The following EPHB1 variants were observed in gnomAD, a reference collection of about 807,000 sequenced individuals.
EPHB1 encodes EPH receptor B1.
A neutral mutation model predicts 94.4 loss-of-function variants in EPHB1; 30 were observed. The observed-to-expected ratio is 0.32, with a 90% CI of 0.24 to 0.43. The LOEUF is 0.43. Among genes scored for constraint, EPHB1 ranks in the 20% least tolerant of loss-of-function variants. The pLI, the probability that EPHB1 is intolerant of heterozygous loss-of-function variation, is 1.00. For synonymous variants in EPHB1, 522 were observed against 489.1 expected (o/e 1.07, Z -0.89); for missense variants, 1,055 against 1,308.3 (o/e 0.81, Z 2.99).
At chr3:134,810,886 G>T (rs979796147) in intron 1 of EPHB1, among the ~76,000 whole-genome samples, 1 of 152,208 alleles carries the variant, frequency 6.6e-6, no homozygotes, top group Non-Finnish European at 1.5e-5. Context: ...CCTAAGCCTA[G>T]CAGGGTACTG....
chr3:135,061,719 G>C (rs1035395277), intron 3 of EPHB1, among the ~76,000 whole-genome samples: 1 of 151,770 alleles, frequency 6.6e-6, no homozygotes, highest in Non-Finnish European at 1.5e-5. Context: ...TTAACATTAG[G>C]TATATCTCCT....
At position 135,166,963 on chromosome 3, in the gene EPHB1, G is replaced by A; in HGVS notation, c.1716G>A (p.Glu572=). The change falls in exon 9 of 16, where the codon GAG becomes GAA. Residue 572 remains glutamate (E), a synonymous_variant. Transcript: ENST00000398015. ...VCSRKRAYSK[E]AVYSDKLQHY... is the part of the protein sequence containing the mutation. ...ACAGGAAACGGGCTTATAGCAAAGA[G>A]GCTGTGTACAGCGATAAGCTCCAGC... 6.2e-7 allele frequency: 1 copy of A among 1,614,148 alleles called. No homozygotes were observed. Among genetic ancestry groups the A allele is most frequent in the East Asian group, 2.2e-5 (1 of 44,878 alleles).
At chr3:135,106,117 C>T (rs1164029188) in intron 3 of EPHB1, among the ~76,000 whole-genome samples, 1 of 152,118 alleles carries the variant, frequency 6.6e-6, no homozygotes, top group African/African-American at 2.4e-5. Flanking sequence ...GAGGGAGTAA[C>T]CATTTATAGA....
chr3:135,251,793 G>C (rs146746630), intron 15 of EPHB1, among the ~76,000 whole-genome samples: 60 of 152,318 alleles, frequency 3.9e-4, no homozygotes, highest in African/African-American at 1.3e-3. Flanking sequence ...CCAGCCAAGC[G>C]TTCACCAGGG....
chr3:135,161,622 G>A (rs1331225592), intron 6 of EPHB1, among the ~76,000 whole-genome samples: 2 of 152,110 alleles, frequency 1.3e-5, no homozygotes, highest in East Asian at 3.9e-4. Flanking sequence ...GCAGGCAGGG[G>A]GCAGATGGAT....
rs1262878975 is a variant in EPHB1 at position 134,964,378 on chromosome 3, C to T, written c.805+12326C>T. Among the ~76,000 whole-genome samples the T allele has an allele frequency of 2.6e-5, 4 of 152,134 alleles. 1 individual carries two copies. The highest frequency in any genetic ancestry group is 3.9e-4 in the East Asian group (2 of 5,190). On this transcript the variant is annotated intron_variant, in intron 3 of 15. Coordinates refer to ENST00000398015, the MANE Select transcript of EPHB1 (RefSeq NM_004441.5). ...TACAGAACAAAAACAACAGAATGGT[C>T]GCAAGCCCATACGTTATGAAACTCA...
At chr3:134,909,305 T>C (rs2038405356) in intron 1 of EPHB1, among the ~76,000 whole-genome samples, 1 of 152,170 alleles carries the variant, frequency 6.6e-6, no homozygotes, top group Admixed American at 6.5e-5. Context: ...GCCAGCCTTC[T>C]GAAAGTTGGA....
intron 1 of EPHB1, among the ~76,000 whole-genome samples, chr3:134,918,046 G>A (rs1197742218): frequency 2.6e-5 from 4 of 152,204 alleles, no homozygotes. Context: ...AGGGTTTATT[G>A]AACATTTATA....
In EPHB1 at chr3:135,179,322, C is replaced by T. The variant is rs529288919; in HGVS notation, c.1760-538C>T. On this transcript the variant is annotated intron_variant, in intron 9 of 15. Transcript: ENST00000398015. Reference sequence around the variant, plus strand: ...CTTCACATTTTCTCTTCTGGTGTACCGTCTTGGCACTTCCATCTCCAGATT... The same window carrying T: ...CTTCACATTTTCTCTTCTGGTGTACTGTCTTGGCACTTCCATCTCCAGATT... Among the ~76,000 whole-genome samples the T allele has an allele frequency of 2.9e-4, 44 of 152,120 alleles. No homozygotes were observed. The East Asian group carries it at 7.7e-3, about 27-fold the overall frequency.
intron 3 of EPHB1, among the ~76,000 whole-genome samples, chr3:135,068,776 G>A (rs1233590589): frequency 6.6e-6 from 1 of 151,628 alleles, no homozygotes; most frequent in Admixed American, 6.6e-5. Flanking sequence ...AGCCTCCTGA[G>A]TAGCTGGGAC....
chr3:134,841,607 A>G (rs905531496), intron 1 of EPHB1: 1 of 152,168 alleles, frequency 6.6e-6, no homozygotes, highest in Non-Finnish European at 1.5e-5. Flanking sequence ...TTTGGAGTGA[A>G]CACCCTCTCA....
chr3:135,023,001 C>T (rs536577621), intron 3 of EPHB1, among the ~76,000 whole-genome samples: 1 of 152,340 alleles, frequency 6.6e-6, no homozygotes, highest in South Asian at 2.1e-4. Context: ...CAATCATTTT[C>T]TGCAAAATTC....
chr3:135,069,820 T>C (rs1176194487), intron 3 of EPHB1, among the ~76,000 whole-genome samples: 1 of 151,544 alleles, frequency 6.6e-6, no homozygotes, highest in African/African-American at 2.4e-5. Context: ...CACCAATACA[T>C]GATTAAAAAA....
chr3:135,015,350 C>G (rs941684347), intron 3 of EPHB1, among the ~76,000 whole-genome samples: 10 of 152,150 alleles, frequency 6.6e-5, no homozygotes, highest in African/African-American at 2.4e-4. Flanking sequence ...AAGCGATTCT[C>G]CTGCCTCAGC....
chr3:135,005,848 G>T (rs910979203), intron 3 of EPHB1, among the ~76,000 whole-genome samples: 5 of 152,166 alleles, frequency 3.3e-5, no homozygotes, highest in Non-Finnish European at 5.9e-5. Flanking sequence ...ACTGACCTGC[G>T]CCCACTGTCT....
intron 1 of EPHB1, among the ~76,000 whole-genome samples, chr3:134,859,054 A>C (rs1448927102): frequency 2.0e-5 from 3 of 152,106 alleles, no homozygotes; most frequent in African/African-American, 7.2e-5. Flanking sequence ...ATTAAGGGAG[A>C]TTTATTCTCC....
At chr3:134,961,812 ATTG>A (rs1208241925) in intron 3 of EPHB1, among the ~76,000 whole-genome samples, 1 of 152,154 alleles carries the variant, frequency 6.6e-6, no homozygotes, top group Non-Finnish European at 1.5e-5. Context: ...ATACATTTAG[ATTG>A]TTTTCTCTCT....
At chr3:134,806,058 C>G (rs375310942) in intron 1 of EPHB1, among the ~76,000 whole-genome samples, 1 of 152,114 alleles carries the variant, frequency 6.6e-6, no homozygotes, top group East Asian at 1.9e-4. Flanking sequence ...GAATAAATAA[C>G]AAGAAGGAAA....
chr3:134,935,686 C>G (rs942058708), intron 2 of EPHB1, among the ~76,000 whole-genome samples: 1 of 152,080 alleles, frequency 6.6e-6, no homozygotes, highest in East Asian at 1.9e-4. Context: ...GACTCTTGTT[C>G]GAAAGACCTA....
Sources: allele counts gnomAD v4.1 joint callset (sites outside exome capture counted in the v4.1 genomes callset), GRCh38; gene constraint gnomAD v4.1.1; transcripts MANE v1.5; gene names NCBI Gene and HGNC (gene_info 2026-07-23, HGNC 2026-07-21).